DPYD: variants seen among roughly 807,000 people sequenced by gnomAD.
DPYD encodes the protein dihydropyrimidine dehydrogenase, also known as dihydropyrimidine dehydrogenase [NADP(+)].
In DPYD, 109 loss-of-function variants were observed where a neutral mutation model predicts 116.2. The observed-to-expected ratio is 0.94, with a 90% confidence interval of 0.80 to 1.10. The LOEUF is 1.10. Ranked by LOEUF, DPYD falls within the 50% of genes least tolerant of loss-of-function variation. The probability of loss-of-function intolerance (pLI) is 0.00; values close to 1 mark genes in which losing one functional copy is unlikely to be tolerated. For synonymous variants in DPYD, 440 were observed against 432.0 expected (o/e 1.02, Z -0.23); for missense variants, 1,302 against 1,254.5 (o/e 1.04, Z -0.57).
chr1:97,193,008 G>T (rs1658486597), intron 20 of DPYD, 61 bp downstream of exon 20: 1 of 1,568,754 alleles, frequency 6.4e-7, no homozygotes, highest in Non-Finnish European at 8.8e-7. Flanking sequence ...TGGTAAATAA[G>T]ATCTGAAATA....
chr1:97,096,212 A>T (rs1650236044), intron 21 of DPYD, among the ~76,000 whole-genome samples: 1 of 151,992 alleles, frequency 6.6e-6, no homozygotes, highest in South Asian at 2.1e-4. Flanking sequence ...TTGATTAATG[A>T]TCTACAGGCT....
intron 1 of DPYD, among the ~76,000 whole-genome samples, chr1:97,902,568 T>C (rs1673419447): frequency 6.6e-6 from 1 of 151,804 alleles, no homozygotes; most frequent in African/African-American, 2.4e-5. Flanking sequence ...TCCATTGAAA[T>C]GTTATTCATC....
chr1:97,865,535 C>T (rs968100432), intron 2 of DPYD, among the ~76,000 whole-genome samples: 1 of 151,912 alleles, frequency 6.6e-6, no homozygotes, highest in African/African-American at 2.4e-5. Context: ...TTCAAGCCAT[C>T]CTCCTTCACC....
intron 3 of DPYD, among the ~76,000 whole-genome samples, chr1:97,799,979 C>T (rs1245790354): frequency 6.6e-6 from 1 of 151,936 alleles, no homozygotes; most frequent in East Asian, 1.9e-4. Context: ...GATATTTATG[C>T]TCCTCAGGAT....
intron 3 of DPYD, among the ~76,000 whole-genome samples, chr1:97,775,858 C>A (rs1472168738): frequency 1.3e-5 from 2 of 152,140 alleles, no homozygotes; most frequent in African/African-American, 4.8e-5. Flanking sequence ...CTGAATATTA[C>A]TGAGTTTGTC....
At chr1:97,846,541 C>T (rs1177755884) in intron 2 of DPYD, among the ~76,000 whole-genome samples, 4 of 152,112 alleles carry the variant, frequency 2.6e-5, no homozygotes, top group African/African-American at 7.2e-5. Context: ...CCAGGTAGAT[C>T]GTGTCAGAAT....
chr1:97,858,617 A>C (rs900220122), intron 2 of DPYD, among the ~76,000 whole-genome samples: 3 of 152,132 alleles, frequency 2.0e-5, no homozygotes, highest in Admixed American at 1.3e-4. Context: ...TTGAAACTCA[A>C]ACTTTATTTC....
At chr1:97,654,907 T>C (rs1571137409) in intron 8 of DPYD, among the ~76,000 whole-genome samples, 1 of 152,200 alleles carries the variant, frequency 6.6e-6, no homozygotes, top group Non-Finnish European at 1.5e-5. Flanking sequence ...TCTTACATGG[T>C]GGTGGCAAGA....
chr1:97,217,948 G>T (rs1181352558), intron 19 of DPYD, among the ~76,000 whole-genome samples: 1 of 152,132 alleles, frequency 6.6e-6, no homozygotes, highest in Non-Finnish European at 1.5e-5. Flanking sequence ...AATGAGATAG[G>T]TACTATAACT....
chr1:97,317,558 T>C (rs1272047667), intron 16 of DPYD, among the ~76,000 whole-genome samples: 1 of 152,030 alleles, frequency 6.6e-6, no homozygotes, highest in African/African-American at 2.4e-5. Flanking sequence ...GTAAACAGTA[T>C]AACAATTTAT....
At chr1:97,656,324 T>C (rs1658901956) in intron 8 of DPYD, among the ~76,000 whole-genome samples, 1 of 152,182 alleles carries the variant, frequency 6.6e-6, no homozygotes, top group South Asian at 2.1e-4. Context: ...GTTTATCCTC[T>C]TTACTGAACA....
At chr1:97,210,676 C>A (rs1275401887) in intron 19 of DPYD, among the ~76,000 whole-genome samples, 1 of 152,146 alleles carries the variant, frequency 6.6e-6, no homozygotes, top group Non-Finnish European at 1.5e-5. Flanking sequence ...AGGCTTGAGA[C>A]ATGTCTAGAA....
At chr1:97,094,878 T>A (rs1650133846) in intron 21 of DPYD, among the ~76,000 whole-genome samples, 1 of 152,040 alleles carries the variant, frequency 6.6e-6, no homozygotes, top group South Asian at 2.1e-4. Context: ...TTCTTCAGCT[T>A]CCATCATATG....
intron 11 of DPYD, among the ~76,000 whole-genome samples, chr1:97,561,323 A>G (rs1652127733): frequency 1.3e-5 from 2 of 152,166 alleles, no homozygotes; most frequent in South Asian, 2.1e-4. Flanking sequence ...ACACTTTCAC[A>G]TGATTTTGCC....
intron 2 of DPYD, among the ~76,000 whole-genome samples, chr1:97,878,631 C>T (rs2101631974): frequency 6.6e-6 from 1 of 152,086 alleles, no homozygotes; most frequent in Middle Eastern, 3.4e-3. Flanking sequence ...TAGTCTTCAT[C>T]ACCTGTCTTC....
At chr1:97,116,686 AATAAAAGATACAAATAT>A (rs1345665619) in intron 20 of DPYD, among the ~76,000 whole-genome samples, 1 of 152,092 alleles carries the variant, frequency 6.6e-6, no homozygotes, top group Non-Finnish European at 1.5e-5. Context: ...TAAATAAATA[AATAAAAGATACAAATAT>A]ATAAATATAC....
chr1:97,189,538 G>A (rs1658216554), intron 20 of DPYD, among the ~76,000 whole-genome samples: 2 of 152,094 alleles, frequency 1.3e-5, no homozygotes, highest in African/African-American at 4.8e-5. Context: ...GTTTCTTAAC[G>A]AAGAATGTCA....
chr1:97,704,971 T>C (rs1011922631), intron 5 of DPYD, among the ~76,000 whole-genome samples: 4 of 151,954 alleles, frequency 2.6e-5, no homozygotes, highest in African/African-American at 9.7e-5. Context: ...TTGAAATATA[T>C]CCTATGTGCC....
At chr1:97,376,887 G>GTATATATATATATATATATA (rs1553166538) in intron 15 of DPYD, among the ~76,000 whole-genome samples, 8 of 128,384 alleles carry the variant, frequency 6.2e-5, no homozygotes, top group South Asian at 3.1e-4. Context: ...GTGTGTGTGT[G>GTATATATATATATATATATA]TATATATATA....
Sources: allele counts gnomAD v4.1 joint callset (sites outside exome capture counted in the v4.1 genomes callset), GRCh38; gene constraint gnomAD v4.1.1; transcripts MANE v1.5; gene names NCBI Gene and HGNC (gene_info 2026-07-23, HGNC 2026-07-21).